Variants in NCOR1 observed in about 807,000 individuals in gnomAD.
NCOR1 encodes nuclear receptor corepressor 1.
In NCOR1, 63 loss-of-function variants were observed where a neutral mutation model predicts 288.1. The ratio of observed to expected loss-of-function variants is 0.22; its 90% CI spans 0.18 to 0.27. NCOR1 has a LOEUF of 0.27. Ranked by LOEUF, NCOR1 falls within the 10% of genes least tolerant of loss-of-function variation. The probability of loss-of-function intolerance (pLI) is 1.00; values close to 1 mark genes in which losing one functional copy is unlikely to be tolerated. For synonymous variants in NCOR1, 1,007 were observed against 1,065.9 expected, an observed-to-expected ratio of 0.94 and a Z score of 1.08; for missense variants, 2,397 against 3,019.2, an observed-to-expected ratio of 0.79 and a Z score of 4.83.
intron 4 of NCOR1, among the ~76,000 whole-genome samples, chr17:16,170,568 C>T (rs2082945746): frequency 6.6e-6 from 1 of 152,130 alleles, no homozygotes; most frequent in Admixed American, 6.6e-5. Context: ...GGCACAGTGG[C>T]TCATGCCTGT....
intron 26 of NCOR1, among the ~76,000 whole-genome samples, chr17:16,076,641 C>A (rs940761115): frequency 2.6e-5 from 4 of 152,204 alleles, no homozygotes; most frequent in African/African-American, 9.6e-5. Context: ...GAAGTGTCTT[C>A]TCTTATTCTA....
At chr17:16,110,652 A>T (rs545749947) in intron 18 of NCOR1, among the ~76,000 whole-genome samples, 5 of 152,270 alleles carry the variant, frequency 3.3e-5, no homozygotes, top group Admixed American at 2.0e-4. Context: ...CCTACGTTTC[A>T]CCTCATATGA....
intron 8 of NCOR1, among the ~76,000 whole-genome samples, chr17:16,151,211 A>T (rs543795143): frequency 0.01 from 1,431 of 136,632 alleles, 12 homozygotes; most frequent in South Asian, 0.031. Context: ...TTTTTTTTTT[A>T]AAAAAAAGAT....
intron 18 of NCOR1, among the ~76,000 whole-genome samples, chr17:16,114,141 G>A (rs1598821761): frequency 2.8e-5 from 1 of 35,656 alleles, no homozygotes; most frequent in African/African-American, 8.4e-5. Flanking sequence ...GATGGCGGCA[G>A]GCAAAAAAAA....
chr17:16,149,652 A>T (rs1354777950), intron 8 of NCOR1, 135 bp from the exon 9 acceptor site: 5 of 404,992 alleles, frequency 1.2e-5, no homozygotes, highest in Non-Finnish European at 2.2e-5. Context: ...GTTAATCCTA[A>T]TTTTTTTACC....
At chr17:16,084,690 A>G (rs1454745022) in intron 23 of NCOR1, among the ~76,000 whole-genome samples, 1 of 152,200 alleles carries the variant, frequency 6.6e-6, no homozygotes, top group Non-Finnish European at 1.5e-5. Flanking sequence ...GATTTCTAAC[A>G]AAGGAACTGA....
At chr17:16,206,872 T>C (rs2091572318) in intron 1 of NCOR1, among the ~76,000 whole-genome samples, 1 of 152,160 alleles carries the variant, frequency 6.6e-6, no homozygotes, top group African/African-American at 2.4e-5. Flanking sequence ...ACAAACTCAG[T>C]AGATTACATC....
intron 37 of NCOR1, among the ~76,000 whole-genome samples, chr17:16,061,089 T>C (rs964248389): frequency 6.6e-6 from 1 of 152,180 alleles, no homozygotes; most frequent in Admixed American, 6.5e-5. Context: ...AAATTACACC[T>C]CAGTAGCCCA....
Position 16,126,102 on chromosome 17 carries a change from T to G in NCOR1, c.1614A>C (p.Lys538Asn), listed in dbSNP as rs1313670835. 2.2e-6 allele frequency: 3 copies of G among 1,394,376 alleles called. No individual in the cohort carries two copies. The highest frequency in any genetic ancestry group is 2.9e-6 in the Non-Finnish European group (3 of 1,021,970). The allele number at this position is 1,394,376 out of a possible 1,614,324, so 86.4% of individuals were successfully genotyped here. Residue 538 changes from lysine to asparagine, a missense_variant, in exon 15 of 46, where the codon AAA becomes AAC. Transcript: ENST00000268712. ...KEEEKKDEEE[K>N]DEKEDSKENT... Reference sequence around the variant, plus strand: ...CTCACTTGGAGTCTTCTTTTTCATCTTTTTCCTCTTCATCTTTCTTTTCTT... The same window carrying G: ...CTCACTTGGAGTCTTCTTTTTCATCGTTTTCCTCTTCATCTTTCTTTTCTT...
chr17:16,183,020 G>A (rs748542295), intron 3 of NCOR1, among the ~76,000 whole-genome samples: 1 of 151,902 alleles, frequency 6.6e-6, no homozygotes, highest in Non-Finnish European at 1.5e-5. Flanking sequence ...TTTAGGAAAA[G>A]AAGGAAAGTT....
intron 1 of NCOR1, among the ~76,000 whole-genome samples, chr17:16,208,035 C>CTTTTTTTTTTTTTTTTTTTTTT (rs71150278): frequency 1.4e-5 from 1 of 72,570 alleles, no homozygotes; most frequent in Non-Finnish European, 2.5e-5. Context: ...ATATTTCTTT[C>CTTTTTTTTTTTTTTTTTTTTTT]TTTTTTTTTT....
chr17:16,087,397 T>C lies in NCOR1; in HGVS notation c.3017-955A>G, dbSNP rs2064412820. 27 of 1,219,190 alleles carry C rather than the reference T, an allele frequency of 2.2e-5. No homozygotes were observed. In the South Asian group the frequency reaches 3.4e-4, roughly 15 times the overall value. 75.5% of individuals were successfully genotyped at this position (1,219,190 alleles called of 1,614,324 possible). On this transcript the variant is annotated intron_variant, in intron 22 of 45. Coordinates refer to ENST00000268712, the MANE Select transcript of NCOR1 (RefSeq NM_006311.4). ...AGGGAAGAACCCCAAATTAAAATAG[T>C]AAGTGTGAAAGGACCAAGCCCACAC...
At chr17:16,207,692 G>C (rs2091676746) in intron 1 of NCOR1, among the ~76,000 whole-genome samples, 1 of 144,958 alleles carries the variant, frequency 6.9e-6, no homozygotes, top group Non-Finnish European at 1.5e-5. Context: ...AATGAGCCGA[G>C]ACCGCGCCAC....
In NCOR1 at chr17:16,062,282, A is replaced by G; in HGVS notation, c.5222-12T>C. On this transcript the variant is annotated splice_polypyrimidine_tract_variant and intron_variant, in intron 35 of 45. Transcript: ENST00000268712. ...AGGCTGTTCTGAGCCTGCAGAGGTG[A>G]AAAAGAGAAAGAAACAAAGACATAA... 6.4e-7 allele frequency: 1 copy of G among 1,574,666 alleles called. No individual in the cohort carries two copies. Among genetic ancestry groups the G allele is most frequent in the Non-Finnish European group, 8.6e-7 (1 of 1,168,222 alleles).
intron 35 of NCOR1, 31 bp from the exon 36 acceptor site, chr17:16,062,301 G>C (rs1281999827): frequency 3.2e-6 from 5 of 1,555,964 alleles, no homozygotes; most frequent in Non-Finnish European, 3.4e-6. Flanking sequence ...AAGAAACAAA[G>C]ACATAAGGAG....
chr17:16,089,538 G>T (rs557108050), intron 22 of NCOR1, among the ~76,000 whole-genome samples: 18 of 152,074 alleles, frequency 1.2e-4, no homozygotes, highest in Non-Finnish European at 2.2e-4. Flanking sequence ...CACATTAAGA[G>T]AAATAAATAC....
At chr17:16,150,071 T>C (rs1399243620) in intron 8 of NCOR1, among the ~76,000 whole-genome samples, 2 of 152,158 alleles carry the variant, frequency 1.3e-5, no homozygotes, top group African/African-American at 4.8e-5. Flanking sequence ...TAATATATCT[T>C]AATCGCTTTT....
In NCOR1 at chr17:16,215,498, G is replaced by GGCT. The variant is rs1356051760; in HGVS notation, c.-210_-208dup. ...TCACTCCAGCCGCCGCCGCCGCCGCGGCTGCTGCTTCGCCACCTTGGCCGC... is the reference window on the plus strand; with the variant it reads ...TCACTCCAGCCGCCGCCGCCGCCGCGGCTGCTGCTGCTTCGCCACCTTGGCCGC... On this transcript the variant is annotated 5_prime_UTR_variant, in exon 1 of 46. Coordinates refer to ENST00000268712, the MANE Select transcript of NCOR1 (RefSeq NM_006311.4). The GGCT allele has an allele frequency of 5.0e-6, 2 of 398,636 alleles. No homozygotes were observed. Among genetic ancestry groups the GGCT allele is most frequent in the African/African-American group, 2.1e-5 (1 of 48,718 alleles). The allele number at this position is 398,636 out of a possible 1,614,324, so 24.7% of individuals were successfully genotyped here.
chr17:16,134,462 G>A (rs1005047081), intron 14 of NCOR1, among the ~76,000 whole-genome samples: 1 of 152,192 alleles, frequency 6.6e-6, no homozygotes. Flanking sequence ...TCAGGTCAAG[G>A]TGAGGGTATA....
Sources: gnomAD v4.1 joint callset for allele counts (sites outside exome capture counted in the v4.1 genomes callset) on GRCh38, gnomAD v4.1.1 for gene constraint, MANE v1.5 for transcripts, NCBI Gene and HGNC (gene_info 2026-07-23, HGNC 2026-07-21) for gene names.